The following SLC9A4 variants were observed in gnomAD, a reference collection of about 807,000 sequenced individuals.
SLC9A4 encodes sodium/hydrogen exchanger 4.
In SLC9A4, 63 loss-of-function variants were observed where a neutral mutation model predicts 67.4. The observed-to-expected ratio is 0.93, with a 90% CI of 0.76 to 1.15. The LOEUF is 1.15. Among genes scored for constraint, SLC9A4 ranks in the 50% most tolerant of loss-of-function variants. The pLI is 0.00. For synonymous variants in SLC9A4, 393 were observed against 367.2 expected (o/e 1.07, Z -0.80); for missense variants, 1,089 against 987.7 (o/e 1.10, Z -1.38).
intron 2 of SLC9A4, among the ~76,000 whole-genome samples, chr2:102,499,964 T>C (rs1293938781): frequency 1.3e-5 from 2 of 152,246 alleles, no homozygotes; most frequent in African/African-American, 4.8e-5. Flanking sequence ...TAACACAAGT[T>C]AATTTCACAG....
chr2:102,476,946 A>T (rs185683364), intron 1 of SLC9A4, among the ~76,000 whole-genome samples: 228 of 152,338 alleles, frequency 1.5e-3, no homozygotes, highest in African/African-American at 5.0e-3. Context: ...AAGCCAAATG[A>T]AAGTGGGGAT....
At chr2:102,485,681 A>T (rs1188786996) in intron 2 of SLC9A4, among the ~76,000 whole-genome samples, 1 of 152,170 alleles carries the variant, frequency 6.6e-6, no homozygotes, top group African/African-American at 2.4e-5. Flanking sequence ...GTGAATAATG[A>T]TGAGGCGGCA....
chr2:102,474,069 A>G (rs1684278562), intron 1 of SLC9A4, 54 bp downstream of exon 1: 3 of 1,573,716 alleles, frequency 1.9e-6, no homozygotes, highest in Non-Finnish European at 2.6e-6. Context: ...AAGATAGTGA[A>G]TGTGAAAATG....
At chr2:102,517,431 A>G (rs1685296501) in intron 8 of SLC9A4, among the ~76,000 whole-genome samples, 1 of 152,202 alleles carries the variant, frequency 6.6e-6, no homozygotes, top group Non-Finnish European at 1.5e-5. Context: ...TTACATTATT[A>G]TAGCAACTGA....
intron 2 of SLC9A4, among the ~76,000 whole-genome samples, chr2:102,502,203 C>T (rs1198286170): frequency 6.6e-6 from 1 of 152,144 alleles, no homozygotes; most frequent in Non-Finnish European, 1.5e-5. Context: ...GTCTCATTAC[C>T]TGTACACCTG....
chr2:102,514,943 G>T (rs997023998), intron 8 of SLC9A4, among the ~76,000 whole-genome samples: 3 of 152,134 alleles, frequency 2.0e-5, no homozygotes, highest in Non-Finnish European at 4.4e-5. Flanking sequence ...ATGCAACGTG[G>T]TAGAGCCTCT....
chr2:102,498,744 T>A (rs1457623024), intron 2 of SLC9A4, among the ~76,000 whole-genome samples: 2 of 152,254 alleles, frequency 1.3e-5, no homozygotes, highest in African/African-American at 4.8e-5. Context: ...TTCAAAATCA[T>A]ATGTCACATT....
intron 2 of SLC9A4, among the ~76,000 whole-genome samples, chr2:102,488,748 C>T (rs1006623656): frequency 1.3e-5 from 2 of 152,032 alleles, no homozygotes; most frequent in Non-Finnish European, 1.5e-5. Flanking sequence ...AGGGTTTCAC[C>T]GTGCTAGCCA....
intron 2 of SLC9A4, among the ~76,000 whole-genome samples, chr2:102,484,447 G>A (rs1331199073): frequency 6.6e-6 from 1 of 152,118 alleles, no homozygotes; most frequent in Admixed American, 6.5e-5. Context: ...TGTAAAATTG[G>A]GATAATGACA....
intron 2 of SLC9A4, among the ~76,000 whole-genome samples, chr2:102,493,519 AACTC>A (rs1684746598): frequency 6.6e-6 from 1 of 151,726 alleles, no homozygotes; most frequent in South Asian, 2.1e-4. Context: ...ATCTTGTGAG[AACTC>A]ACTCACTATC....
At chr2:102,493,280 C>A (rs1684741312) in intron 2 of SLC9A4, among the ~76,000 whole-genome samples, 1 of 151,938 alleles carries the variant, frequency 6.6e-6, no homozygotes, top group Non-Finnish European at 1.5e-5. Flanking sequence ...AGTAGTACCC[C>A]ACTCTACCTG....
intron 2 of SLC9A4, among the ~76,000 whole-genome samples, chr2:102,481,660 C>A (rs1465085429): frequency 6.6e-6 from 1 of 151,856 alleles, no homozygotes; most frequent in African/African-American, 2.4e-5. Flanking sequence ...TTTCAATGTC[C>A]CATAAAGACC....
At chr2:102,530,873 C>T (rs2104452657) in intron 11 of SLC9A4, among the ~76,000 whole-genome samples, 1 of 152,184 alleles carries the variant, frequency 6.6e-6, no homozygotes, top group Middle Eastern at 3.4e-3. Flanking sequence ...AATTTGGTCA[C>T]ATTTTAGAAA....
chr2:102,531,677 G>A (rs1674781637), intron 11 of SLC9A4, among the ~76,000 whole-genome samples: 1 of 152,290 alleles, frequency 6.6e-6, no homozygotes, highest in Middle Eastern at 3.4e-3. Context: ...AGGATTCAAT[G>A]GCATGATATA....
intron 11 of SLC9A4, 29 bp downstream of exon 11, chr2:102,526,375 CT>C (rs761274444): frequency 6.2e-7 from 1 of 1,604,930 alleles, no homozygotes; most frequent in East Asian, 2.2e-5. Context: ...TGCTCTGCTG[CT>C]TTTCTGTAGA....
chr2:102,520,175 T>C (rs1191631858), intron 9 of SLC9A4, among the ~76,000 whole-genome samples: 1 of 152,172 alleles, frequency 6.6e-6, no homozygotes, highest in Non-Finnish European at 1.5e-5. Context: ...AATGCAAATC[T>C]AGTTACCGTC....
chr2:102,484,681 C>T (rs1684547792), intron 2 of SLC9A4, among the ~76,000 whole-genome samples: 1 of 152,170 alleles, frequency 6.6e-6, no homozygotes, highest in South Asian at 2.1e-4. Context: ...AATCTGCCTT[C>T]GTTTTCTTGG....
In SLC9A4 at chr2:102,528,044, G is replaced by C. The variant is rs1485644165; in HGVS notation, c.2038+1698G>C. ...ATTTTTTTGAGATGAGTCTCTCTCT[G>C]TCACCCCGGCTGGAATGCAGTGGAG... On this transcript the variant is annotated intron_variant, in intron 11 of 11. Transcript: ENST00000295269. Among the ~76,000 whole-genome samples, 3 of 151,856 alleles carry C rather than the reference G, an allele frequency of 2.0e-5. No homozygotes were observed. The East Asian group carries it at 5.8e-4, about 29-fold the overall frequency.
intron 11 of SLC9A4, among the ~76,000 whole-genome samples, chr2:102,531,206 G>T (rs1414035641): frequency 6.6e-6 from 1 of 151,716 alleles, no homozygotes; most frequent in Non-Finnish European, 1.5e-5. Flanking sequence ...GGGACTACAG[G>T]TGCCCACCAC....
Sources: gnomAD v4.1 joint callset for allele counts (sites outside exome capture counted in the v4.1 genomes callset) on GRCh38, gnomAD v4.1.1 for gene constraint, MANE v1.5 for transcripts, NCBI Gene and HGNC (gene_info 2026-07-23, HGNC 2026-07-21) for gene names.